Variants in FAM178B observed in about 807,000 individuals in gnomAD.
FAM178B encodes the protein family with sequence similarity 178 member B.
Under a neutral mutation model 91.7 loss-of-function variants are expected in FAM178B, and 82 were observed. That is an observed-to-expected ratio of 0.89 (90% CI 0.75 to 1.07). The LOEUF (loss-of-function observed/expected upper bound fraction) is 1.07, where lower values mean the gene tolerates loss of function less well. FAM178B is among the 50% of genes least tolerant of loss of function. FAM178B has a pLI of 0.00. For missense variants in FAM178B, 769 were observed against 846.7 expected (o/e 0.91, Z 1.14); for synonymous variants, 368 against 359.4 (o/e 1.02, Z -0.27).
chr2:96,957,848 C>T (rs941346521), intron 6 of FAM178B, among the ~76,000 whole-genome samples: 2 of 152,044 alleles, frequency 1.3e-5, no homozygotes, highest in Non-Finnish European at 2.9e-5. Context: ...CCTCACACTG[C>T]AGCTATGAAC....
At position 96,972,163 on chromosome 2, in the gene FAM178B, G is replaced by A. The variant is rs924875369; in HGVS notation, c.302C>T (p.Ala101Val). 2.6e-6 allele frequency: 4 copies of A among 1,545,386 alleles called. No homozygotes were observed. Among genetic ancestry groups the A allele is most frequent in the Non-Finnish European group, 1.7e-6 (2 of 1,144,310 alleles). Residue 101 changes from alanine (A) to valine (V), a missense_variant, in exon 3 of 17, where the codon GCA (alanine) becomes GTA (valine). Ala to Val is a moderately conservative substitution (Grantham distance 64, BLOSUM62 0). Transcript: ENST00000490605. ...GTCAGTGGGAAACGTTTCCCCAGGT[G>A]CCTGTATCTTGGGCTTCTTTGGCGA... ...PTSPKKPKIQ[A>V]PGETFPTDWS...
At chr2:96,985,954 A>G (rs768299566) in intron 1 of FAM178B, among the ~76,000 whole-genome samples, 3 of 152,232 alleles carry the variant, frequency 2.0e-5, no homozygotes, top group Non-Finnish European at 4.4e-5. Context: ...ATTAAAAATC[A>G]AAACAAAACA....
chr2:96,928,295 T>C (rs544118204), intron 9 of FAM178B, among the ~76,000 whole-genome samples: 2 of 152,308 alleles, frequency 1.3e-5, no homozygotes, highest in African/African-American at 4.8e-5. Context: ...TCAAGGGTTC[T>C]CAAGAGAGTT....
chr2:96,942,120 G>C (rs2081742415), intron 8 of FAM178B, among the ~76,000 whole-genome samples: 1 of 152,106 alleles, frequency 6.6e-6, no homozygotes, highest in African/African-American at 2.4e-5. Flanking sequence ...AGCACCAAAA[G>C]AATAAAATAC....
intron 1 of FAM178B, among the ~76,000 whole-genome samples, chr2:96,981,747 A>AAAAAAAAG (rs2082364839): frequency 1.6e-5 from 2 of 123,448 alleles, no homozygotes; most frequent in Admixed American, 8.3e-5. Flanking sequence ...TCTCAAAAAA[A>AAAAAAAAG]AAAAAAAAAA....
intron 14 of FAM178B, among the ~76,000 whole-genome samples, chr2:96,890,334 G>A (rs901514497): frequency 6.6e-6 from 1 of 152,132 alleles, no homozygotes; most frequent in African/African-American, 2.4e-5. Context: ...CGGTGTGGTA[G>A]CATGTGCCTG....
intron 1 of FAM178B, 148 bp downstream of exon 1, chr2:96,986,093 G>C: frequency 7.0e-7 from 1 of 1,432,676 alleles, no homozygotes; most frequent in Non-Finnish European, 9.2e-7. Flanking sequence ...ACGCGGGGTC[G>C]CAGGAACCTG....
At chr2:96,983,299 A>T (rs1311577955) in intron 1 of FAM178B, among the ~76,000 whole-genome samples, 1 of 152,210 alleles carries the variant, frequency 6.6e-6, no homozygotes, top group Non-Finnish European at 1.5e-5. Flanking sequence ...GGTAACCATT[A>T]CCAGATCAAC....
intron 5 of FAM178B, among the ~76,000 whole-genome samples, chr2:96,960,752 G>C (rs1436722104): frequency 1.3e-5 from 2 of 152,236 alleles, no homozygotes; most frequent in African/African-American, 4.8e-5. Context: ...CAGGTACGGA[G>C]GGTGAGTCAG....
At position 96,921,320 on chromosome 2, in the gene FAM178B, G is replaced by A. The variant is rs886593519; in HGVS notation, c.1465-58C>T. 5.6e-5 allele frequency: 85 copies of A among 1,524,868 alleles called. 2 individuals are homozygous for A. The South Asian group carries it at 6.7e-4, about 12-fold the overall frequency. The allele number at this position is 1,524,868 out of a possible 1,614,324, so 94.5% of individuals were successfully genotyped here. A position where few individuals can be genotyped will look rare whatever the true frequency, so the allele number is the denominator to read the frequency against. On this transcript the variant is annotated intron_variant, in intron 11 of 16. Coordinates refer to ENST00000490605, the MANE Select transcript of FAM178B (RefSeq NM_001122646.3). Reference sequence around the variant, plus strand: ...AGGACACCGCCTTCCCCTTGCTCTCGCCACCCAGCCCGCACAGGGGAGTAA... The same window carrying A: ...AGGACACCGCCTTCCCCTTGCTCTCACCACCCAGCCCGCACAGGGGAGTAA...
At chr2:96,955,129 G>T (rs1315245176) in intron 6 of FAM178B, among the ~76,000 whole-genome samples, 1 of 152,234 alleles carries the variant, frequency 6.6e-6, no homozygotes, top group Non-Finnish European at 1.5e-5. Flanking sequence ...ACTTTGGGAG[G>T]CCAAGGCAGG....
rs1796026 is a variant in FAM178B at position 96,952,204 on chromosome 2, C to A, written c.888-720G>T. ...TTACCCCCACGAGGCCAGCGTCTCGCGATCTGGTTACACAGGGCGTTTCTG... is the reference window on the plus strand; with the variant it reads ...TTACCCCCACGAGGCCAGCGTCTCGAGATCTGGTTACACAGGGCGTTTCTG... On this transcript the variant is annotated intron_variant, in intron 6 of 16. Transcript: ENST00000490605. Among the ~76,000 whole-genome samples the A allele has an allele frequency of 2.2e-3, 333 of 152,298 alleles. 2 individuals carry two copies. Among genetic ancestry groups the A allele is most frequent in the South Asian group, 5.6e-3 (27 of 4,826 alleles).
intron 8 of FAM178B, among the ~76,000 whole-genome samples, chr2:96,946,704 C>T (rs1158419894): frequency 6.6e-6 from 1 of 152,268 alleles, no homozygotes; most frequent in East Asian, 1.9e-4. Flanking sequence ...ACACATACCA[C>T]TGCAGGGAGC....
chr2:96,895,115 G>A, intron 13 of FAM178B: 1 of 1,289,342 alleles, frequency 7.8e-7, no homozygotes, highest in Non-Finnish European at 1.0e-6. Context: ...TTCAGCCCCT[G>A]CCTTCCACTC....
intron 14 of FAM178B, among the ~76,000 whole-genome samples, chr2:96,882,733 T>C (rs2080417985): frequency 6.6e-6 from 1 of 152,198 alleles, no homozygotes; most frequent in Non-Finnish European, 1.5e-5. Context: ...GGGGATGTCA[T>C]TGTGGCCTCA....
chr2:96,963,715 A>G (rs1481429403), intron 5 of FAM178B, among the ~76,000 whole-genome samples: 1 of 152,184 alleles, frequency 6.6e-6, no homozygotes, highest in Non-Finnish European at 1.5e-5. Context: ...TTTCTGCAAC[A>G]AGGGCTCACT....
At position 96,986,244 on chromosome 2, in the gene FAM178B, T is replaced by TA. The variant is rs760393050; in HGVS notation, c.69dup (p.Thr24TyrfsTer86). ...TCCTCGGCCTCAGTTTCCTTACCTG[T>TA]AAAATGGAGCCGCTGATCCTGCCTC... On this transcript the variant is annotated frameshift_variant, in exon 1 of 17. Coordinates refer to ENST00000490605, the MANE Select transcript of FAM178B (RefSeq NM_001122646.3). LOFTEE classifies it high-confidence loss of function. 25 of 1,534,376 alleles carry TA rather than the reference T, an allele frequency of 1.6e-5. No homozygotes were observed. Among genetic ancestry groups the TA allele is most frequent in the Non-Finnish European group, 2.1e-5 (24 of 1,146,758 alleles).
At chr2:96,889,632 T>C (rs950949212) in intron 14 of FAM178B, among the ~76,000 whole-genome samples, 4 of 151,100 alleles carry the variant, frequency 2.6e-5, no homozygotes, top group African/African-American at 9.7e-5. Context: ...GAACCAAGAT[T>C]GTGCCATTGC....
intron 1 of FAM178B, among the ~76,000 whole-genome samples, chr2:96,972,881 G>A (rs1250102226): frequency 6.6e-6 from 1 of 151,828 alleles, no homozygotes; most frequent in Non-Finnish European, 1.5e-5. Context: ...GCAGCGGCGT[G>A]ATCTTGGCTC....
Sources: gnomAD v4.1 joint callset for allele counts (sites outside exome capture counted in the v4.1 genomes callset) on GRCh38, gnomAD v4.1.1 for gene constraint, MANE v1.5 for transcripts, NCBI Gene and HGNC (gene_info 2026-07-23, HGNC 2026-07-21) for gene names.